COL5A1: variants seen among roughly 807,000 people sequenced by gnomAD.
COL5A1 encodes the protein collagen alpha-1(V) chain.
COL5A1 carries 16 observed loss-of-function variants against 263.7 expected under a neutral mutation model. The observed-to-expected ratio is 0.06, with a 90% confidence interval of 0.04 to 0.09. The LOEUF (loss-of-function observed/expected upper bound fraction) is 0.09. COL5A1 is among the 10% of genes least tolerant of loss of function. The probability of loss-of-function intolerance (pLI) is 1.00; values close to 1 mark genes in which losing one functional copy is unlikely to be tolerated. For missense variants in COL5A1, 2,036 were observed against 2,540.5 expected, an observed-to-expected ratio of 0.80 and a Z score of 4.27; for synonymous variants, 1,012 against 1,004.5, an observed-to-expected ratio of 1.01 and a Z score of -0.14.
chr9:134,835,233 C>A, intron 65 of COL5A1, 29 bp downstream of exon 65: 1 of 1,580,004 alleles, frequency 6.3e-7, no homozygotes, highest in Non-Finnish European at 8.7e-7. Flanking sequence ...GCCCAGCACC[C>A]CTGCTCACGC....
chr9:134,730,512 A>G, intron 7 of COL5A1, 37 bp downstream of exon 7: 1 of 1,612,788 alleles, frequency 6.2e-7, no homozygotes, highest in Non-Finnish European at 8.5e-7. Context: ...GGTCTGGGGC[A>G]GTGGGCCAAG....
intron 4 of COL5A1, among the ~76,000 whole-genome samples, chr9:134,706,495 G>A (rs546420185): frequency 6.6e-5 from 10 of 152,276 alleles, no homozygotes; most frequent in South Asian, 4.1e-4. Context: ...AGGAGAAGGC[G>A]GATGGGAGAG....
intron 11 of COL5A1, among the ~76,000 whole-genome samples, chr9:134,747,895 A>G (rs1353559841): frequency 1.4e-5 from 2 of 147,796 alleles, no homozygotes; most frequent in Admixed American, 6.7e-5. Flanking sequence ...ATGCATTCAT[A>G]CACACATGCA....
At chr9:134,780,222 A>G in intron 28 of COL5A1, 76 bp downstream of exon 28, 2 of 1,405,116 alleles carry the variant, frequency 1.4e-6, no homozygotes, top group South Asian at 1.1e-5. Context: ...CCCTCCCACA[A>G]TGCTTCTTCC....
chr9:134,767,498 G>C, intron 24 of COL5A1, 144 bp downstream of exon 24: 1 of 735,716 alleles, frequency 1.4e-6, no homozygotes, highest in Non-Finnish European at 2.3e-6. Flanking sequence ...AGAGTGCCAA[G>C]AACTGGGCCA....
chr9:134,838,128 C>A (rs908631503), intron 65 of COL5A1, among the ~76,000 whole-genome samples: 1 of 152,190 alleles, frequency 6.6e-6, no homozygotes, highest in African/African-American at 2.4e-5. Context: ...GCAGAGGGAA[C>A]CGGGTTCAAG....
intron 27 of COL5A1, 56 bp from the exon 28 acceptor site, chr9:134,780,046 C>A (rs1218823510): frequency 7.5e-6 from 12 of 1,603,384 alleles, no homozygotes; most frequent in Non-Finnish European, 8.5e-7. Flanking sequence ...TGCGACAGCT[C>A]TAGAAAGGCT....
intron 1 of COL5A1, among the ~76,000 whole-genome samples, chr9:134,689,665 C>T (rs373425811): frequency 6.6e-6 from 1 of 152,144 alleles, no homozygotes; most frequent in African/African-American, 2.4e-5. Context: ...AGCCCCAGGA[C>T]GGAGCTTCCT....
In COL5A1 at chr9:134,731,536, G is replaced by A; in HGVS notation, c.1205G>A (p.Gly402Glu). Residue 402 changes from glycine (G) to glutamate (E), a missense_variant, in exon 8 of 66, where the codon GGG becomes GAG. Coordinates refer to ENST00000371817, the MANE Select transcript of COL5A1 (RefSeq NM_000093.5). ...PPGEGADDLE[G>E]EFTEETIRNL... ...GGGGAAGGTGCGGATGACTTGGAGG[G>A]GGAGTTCACTGAGGAAACGATCCGG... The A allele has an allele frequency of 6.2e-7, 1 of 1,614,252 alleles. No individual in the cohort carries two copies. Among genetic ancestry groups the A allele is most frequent in the Non-Finnish European group, 8.5e-7 (1 of 1,180,032 alleles).
intron 31 of COL5A1, among the ~76,000 whole-genome samples, chr9:134,786,392 A>C (rs899773050): frequency 6.6e-6 from 1 of 152,120 alleles, no homozygotes; most frequent in Non-Finnish European, 1.5e-5. Context: ...TAATTTGCCG[A>C]GTTGAAAGGA....
rs566226963 is a variant in COL5A1, at chr9:134,818,394, G to A, written c.4231-262G>A. 5.1e-4 allele frequency among the ~76,000 whole-genome samples: 77 copies of A among 152,286 alleles called. No individual in the cohort carries two copies. The highest frequency in any genetic ancestry group is 1.8e-3 in the African/African-American group (74 of 41,564). ...AGGTTGTGCGGTTCCATCCCTGCTC[G>A]GGCAGTGGCGCTGTGACACCCGGTC... On this transcript the variant is annotated intron_variant, in intron 54 of 65. Transcript: ENST00000371817. This position sits in a 1 kb window ranked among gnomAD's most constrained non-coding sequence, Gnocchi z 6.0.
chr9:134,795,511 G>A (rs941544777), intron 34 of COL5A1, among the ~76,000 whole-genome samples, 196 bp downstream of exon 34: 2 of 152,164 alleles, frequency 1.3e-5, no homozygotes, highest in African/African-American at 4.8e-5. Flanking sequence ...TAATTAAGTG[G>A]CTGAGAACGA....
At position 134,678,903 on chromosome 9, in the gene COL5A1, TG is replaced by T. The variant is rs1832753906; in HGVS notation, c.110-12003del. ...CAGGCTGGTTGGTGTTACCCCCTGCTGGGGGGCAGGCGTTAGATCTGTGCAG... is the reference window on the plus strand; with the variant it reads ...CAGGCTGGTTGGTGTTACCCCCTGCTGGGGGCAGGCGTTAGATCTGTGCAG... On this transcript the variant is annotated intron_variant, in intron 1 of 65. Coordinates refer to ENST00000371817, the MANE Select transcript of COL5A1 (RefSeq NM_000093.5). This position sits in a 1 kb window ranked among gnomAD's most constrained non-coding sequence, Gnocchi z 5.5. Among the ~76,000 whole-genome samples the T allele has an allele frequency of 6.6e-6, 1 of 152,104 alleles. No homozygotes were observed. Among genetic ancestry groups the T allele is most frequent in the African/African-American group, 2.4e-5 (1 of 41,422 alleles).
intron 6 of COL5A1, 77 bp downstream of exon 6, chr9:134,728,884 G>T: frequency 1.9e-6 from 3 of 1,588,854 alleles, no homozygotes; most frequent in Non-Finnish European, 2.6e-6. Flanking sequence ...GCCAGGAGAG[G>T]TTGTGTCAGG....
intron 16 of COL5A1, among the ~76,000 whole-genome samples, chr9:134,756,501 C>T (rs1198130882): frequency 2.6e-5 from 4 of 152,212 alleles, no homozygotes; most frequent in East Asian, 3.9e-4. Context: ...GGGGCAGTGG[C>T]GTGATCCCCC....
chr9:134,706,268 C>G lies in COL5A1; in HGVS notation c.654+4935C>G, dbSNP rs187864433. ...AGAGGAGGACTCAGGGCATTGCTCC[C>G]TAAGCCCCAGGTTTCCAGAGGTGCT... On this transcript the variant is annotated intron_variant, in intron 4 of 65. Transcript: ENST00000371817. 1.8e-4 allele frequency among the ~76,000 whole-genome samples: 27 copies of G among 152,330 alleles called. No individual in the cohort carries two copies. The East Asian group carries it at 4.8e-3, about 27-fold the overall frequency.
At chr9:134,772,733 A>T (rs527319340) in intron 25 of COL5A1, 57 bp from the exon 26 acceptor site, 2 of 1,571,184 alleles carry the variant, frequency 1.3e-6, no homozygotes, top group African/African-American at 2.7e-5. Flanking sequence ...AGGGGAAGCG[A>T]GGGAGGCTGC....
chr9:134,674,291 C>G (rs778842358), intron 1 of COL5A1, among the ~76,000 whole-genome samples: 3 of 152,144 alleles, frequency 2.0e-5, no homozygotes, highest in African/African-American at 4.8e-5. Flanking sequence ...CGGGGACAAA[C>G]AAGCGGGAAT....
At chr9:134,713,821 G>A (rs1394773769) in intron 4 of COL5A1, among the ~76,000 whole-genome samples, 2 of 152,184 alleles carry the variant, frequency 1.3e-5, no homozygotes, top group Non-Finnish European at 2.9e-5. Context: ...AAGAACTGGG[G>A]TCTGAACCCG....
Sources: gnomAD v4.1 joint callset for allele counts (sites outside exome capture counted in the v4.1 genomes callset) on GRCh38, gnomAD v4.1.1 for gene constraint, Gnocchi (gnomAD v3.1) non-coding constraint, MANE v1.5 for transcripts, NCBI Gene and HGNC (gene_info 2026-07-23, HGNC 2026-07-21) for gene names.